NDUFAF6: variants seen among roughly 807,000 people sequenced by gnomAD.
NDUFAF6 encodes the protein NADH:ubiquinone oxidoreductase complex assembly factor 6.
A neutral mutation model predicts 40.8 loss-of-function variants in NDUFAF6; 45 were observed. The observed-to-expected ratio is 1.10, with a 90% CI of 0.87 to 1.42. The LOEUF is 1.42. NDUFAF6 is among the 40% of genes most tolerant of loss of function. NDUFAF6 has a pLI of 0.00. For synonymous variants in NDUFAF6, 185 were observed against 155.9 expected, an observed-to-expected ratio of 1.19 and a Z score of -1.39; for missense variants, 435 against 418.5, an observed-to-expected ratio of 1.04 and a Z score of -0.34.
At chr8:94,965,725 G>A (rs1308210554) in intron 1 of NDUFAF6, among the ~76,000 whole-genome samples, 1 of 152,206 alleles carries the variant, frequency 6.6e-6, no homozygotes, top group African/African-American at 2.4e-5. Flanking sequence ...AAGATGTCTA[G>A]CGTGGAAGAC....
At chr8:95,077,992 G>A (rs1049721838), downstream of NDUFAF6, among the ~76,000 whole-genome samples, 5 of 152,066 alleles carry the variant, frequency 3.3e-5, no homozygotes, top group Non-Finnish European at 7.4e-5. Flanking sequence ...AGGAAAAGAA[G>A]CTGAGAGCCG....
chr8:94,938,896 G>T (rs1821252709), intron 1 of NDUFAF6, among the ~76,000 whole-genome samples: 2 of 152,192 alleles, frequency 1.3e-5, no homozygotes. Flanking sequence ...TAAAACCTGG[G>T]GCTTGAGATT....
rs951512299 is a variant in NDUFAF6 at position 95,036,510 on chromosome 8, G to C, written c.420+934G>C. 7.0e-6 allele frequency: 9 copies of C among 1,288,128 alleles called. No homozygotes were observed. The Admixed American group carries it at 2.1e-4, about 30-fold the overall frequency. The allele number at this position is 1,288,128 out of a possible 1,614,324, so 79.8% of individuals were successfully genotyped here. On this transcript the variant is annotated intron_variant, in intron 3 of 8. Transcript: ENST00000396124. The stretch of plus-strand genomic sequence containing the variant: ...ATGGGAAGCTGTGAGTATTAGATTA[G>C]TTCTTTACCTCTGTTCATCCCACTT...
intron 2 of NDUFAF6, among the ~76,000 whole-genome samples, chr8:95,010,208 C>T (rs970114306): frequency 6.6e-6 from 1 of 152,180 alleles, no homozygotes; most frequent in African/African-American, 2.4e-5. Flanking sequence ...CCTGCCTCAG[C>T]CTCACCAGTA....
intron 6 of NDUFAF6, 127 bp from the exon 7 acceptor site, chr8:95,048,330 T>C (rs1455842443): frequency 2.7e-6 from 2 of 728,734 alleles, no homozygotes; most frequent in Non-Finnish European, 5.0e-6. Context: ...AAACTGTACA[T>C]ACTGTTCTGT....
downstream of NDUFAF6, among the ~76,000 whole-genome samples, chr8:95,077,221 TTA>T (rs935057565): frequency 2.0e-5 from 3 of 152,224 alleles, no homozygotes; most frequent in Non-Finnish European, 4.4e-5. Flanking sequence ...TGGCATGTTT[TTA>T]TGGCAGCCTT....
intron 1 of NDUFAF6, among the ~76,000 whole-genome samples, chr8:94,960,948 T>C (rs1823516876): frequency 6.6e-6 from 1 of 152,234 alleles, no homozygotes; most frequent in Non-Finnish European, 1.5e-5. Flanking sequence ...GCAAGATTGC[T>C]CTATAATTAT....
chr8:95,007,244 A>G (rs1024746287), intron 2 of NDUFAF6, among the ~76,000 whole-genome samples: 1 of 152,186 alleles, frequency 6.6e-6, no homozygotes, highest in Non-Finnish European at 1.5e-5. Context: ...ATGATAAAAT[A>G]AGGTTTTAAA....
At chr8:94,996,215 A>G (rs912273247) in intron 2 of NDUFAF6, among the ~76,000 whole-genome samples, 4 of 152,214 alleles carry the variant, frequency 2.6e-5, no homozygotes, top group Non-Finnish European at 5.9e-5. Context: ...CCTGACATAC[A>G]CAACAACCAG....
chr8:94,937,727 A>C (rs1194695539), intron 1 of NDUFAF6, among the ~76,000 whole-genome samples: 1 of 152,186 alleles, frequency 6.6e-6, no homozygotes, highest in Non-Finnish European at 1.5e-5. Context: ...CTGAGCAAGA[A>C]GCTGTAACTA....
chr8:94,971,763 C>A (rs952879998), intron 1 of NDUFAF6, among the ~76,000 whole-genome samples: 2 of 151,998 alleles, frequency 1.3e-5, no homozygotes, highest in African/African-American at 4.8e-5. Context: ...ATGATGAAAC[C>A]CCCGTCTCTA....
chr8:94,931,983 G>GA, intron 1 of NDUFAF6: 1 of 1,359,234 alleles, frequency 7.4e-7, no homozygotes, highest in South Asian at 1.3e-5. Context: ...AAAAAAGAAA[G>GA]AAAGTCATTT....
chr8:95,046,629 A>G (rs1830799934), intron 5 of NDUFAF6, among the ~76,000 whole-genome samples: 1 of 152,230 alleles, frequency 6.6e-6, no homozygotes, highest in Non-Finnish European at 1.5e-5. Flanking sequence ...GGAGGGAGCA[A>G]AGAGTAGAAT....
chr8:94,973,535 T>C (rs889348921), intron 1 of NDUFAF6, among the ~76,000 whole-genome samples: 33 of 152,142 alleles, frequency 2.2e-4, no homozygotes, highest in South Asian at 6.2e-4. Flanking sequence ...AGTGAAACCC[T>C]GTCTCTACTA....
downstream of NDUFAF6, chr8:95,058,733 A>G (rs1343916517): frequency 2.0e-6 from 2 of 993,144 alleles, no homozygotes; most frequent in African/African-American, 3.5e-5. Flanking sequence ...TGCGCTATAC[A>G]TTGTGCTTCC....
intron 2 of NDUFAF6, among the ~76,000 whole-genome samples, chr8:95,081,263 C>G (rs905136645): frequency 6.8e-6 from 1 of 147,630 alleles, no homozygotes; most frequent in African/African-American, 2.5e-5. Context: ...CTCCCAAGTT[C>G]AAGCAATTCT....
chr8:94,917,415 T>C (rs746653166), intron 1 of NDUFAF6, among the ~76,000 whole-genome samples: 5 of 152,202 alleles, frequency 3.3e-5, no homozygotes, highest in Non-Finnish European at 7.3e-5. Flanking sequence ...CTCAGACTAG[T>C]ATATTTACCT....
At chr8:94,911,213 G>C (rs1047519356) in intron 1 of NDUFAF6, among the ~76,000 whole-genome samples, 4 of 152,134 alleles carry the variant, frequency 2.6e-5, no homozygotes, top group Non-Finnish European at 5.9e-5. Context: ...CTTTAATAAA[G>C]TGAAAATTTT....
intron 2 of NDUFAF6, among the ~76,000 whole-genome samples, chr8:95,000,986 C>T (rs963660307): frequency 4.1e-5 from 6 of 146,730 alleles, no homozygotes; most frequent in Non-Finnish European, 6.0e-5. Flanking sequence ...GACAGGGTCT[C>T]GCTCTGTCTC....
Sources: allele counts gnomAD v4.1 joint callset (sites outside exome capture counted in the v4.1 genomes callset), GRCh38; gene constraint gnomAD v4.1.1; transcripts MANE v1.5; gene names NCBI Gene and HGNC (gene_info 2026-07-23, HGNC 2026-07-21).